The following TSHZ3 variants were observed in gnomAD, a reference collection of about 807,000 sequenced individuals.
The protein encoded by TSHZ3 is teashirt zinc finger homeobox 3.
A neutral mutation model predicts 64.5 loss-of-function variants in TSHZ3; 10 were observed. That is an observed-to-expected ratio of 0.16 (90% confidence interval 0.10 to 0.26). The LOEUF (loss-of-function observed/expected upper bound fraction) is 0.26. TSHZ3 is among the 10% of genes least tolerant of loss of function. The pLI is 1.00. For missense variants in TSHZ3, 1,242 were observed against 1,421.7 expected (o/e 0.87, Z 2.03); for synonymous variants, 608 against 593.1 (o/e 1.03, Z -0.36).
At position 31,241,553 on chromosome 19, in the gene TSHZ3, C is replaced by T. The variant is rs562349830; in HGVS notation, n.550+716G>A. ...GTAAGCACTAGGTAATCTCCATGCACGTGCAGTCTGGTTCTCAGCCATGGA... is the reference window on the plus strand; with the variant it reads ...GTAAGCACTAGGTAATCTCCATGCATGTGCAGTCTGGTTCTCAGCCATGGA... On this transcript the variant is annotated intron_variant and non_coding_transcript_variant, in intron 3 of 6. Coordinates refer to the TSHZ3 transcript ENST00000651361. Among the ~76,000 whole-genome samples the T allele has an allele frequency of 6.6e-5, 10 of 152,306 alleles. No homozygotes were observed. The South Asian group carries it at 1.9e-3, about 28-fold the overall frequency.
rs866532190 is a variant in TSHZ3, at chr19:31,212,024, G to A, written n.687-6946C>T. On this transcript the variant is annotated intron_variant and non_coding_transcript_variant, in intron 4 of 6. Transcript: ENST00000651361. ...AACAAACAAACAAACAAATCCTTGA[G>A]AGCACTTTTAAGCTTTTCTTTCTCT... Among the ~76,000 whole-genome samples the A allele has an allele frequency of 3.5e-4, 53 of 151,982 alleles. 1 individual carries two copies. The highest frequency in any genetic ancestry group is 8.8e-5 in the Non-Finnish European group (6 of 67,944).
chr19:31,292,002 G>A (rs1976574720), intron 1 of TSHZ3, among the ~76,000 whole-genome samples: 1 of 152,196 alleles, frequency 6.6e-6, no homozygotes, highest in African/African-American at 2.4e-5. Context: ...AGCTGCCTGT[G>A]GGTGCCGTAT....
chr19:31,316,333 T>C (rs1020732634), intron 1 of TSHZ3, among the ~76,000 whole-genome samples: 1 of 152,198 alleles, frequency 6.6e-6, no homozygotes, highest in African/African-American at 2.4e-5. Context: ...GGAATGCTTG[T>C]ATGCATGAAT....
chr19:31,307,092 A>G (rs1389762088), intron 1 of TSHZ3, among the ~76,000 whole-genome samples: 1 of 152,144 alleles, frequency 6.6e-6, no homozygotes, highest in East Asian at 1.9e-4. Flanking sequence ...CCTTGTAAAT[A>G]ACATCTCTAC....
At chr19:31,333,751 C>A (rs1917163755) in intron 1 of TSHZ3, among the ~76,000 whole-genome samples, 1 of 152,148 alleles carries the variant, frequency 6.6e-6, no homozygotes, top group African/African-American at 2.4e-5. Flanking sequence ...CCACCTGGAC[C>A]AGCCAGGCCC....
At chr19:31,171,503 T>C (rs1044120421) in intron 5 of TSHZ3, among the ~76,000 whole-genome samples, 2 of 151,872 alleles carry the variant, frequency 1.3e-5, no homozygotes, top group Non-Finnish European at 2.9e-5. Context: ...GTGGTGATAC[T>C]ATCTAGAAGC....
intron 1 of TSHZ3, among the ~76,000 whole-genome samples, chr19:31,301,653 T>C (rs1459496855): frequency 6.6e-6 from 1 of 152,122 alleles, no homozygotes; most frequent in African/African-American, 2.4e-5. Context: ...AGGCCTCCCA[T>C]GGCAGGTCAG....
intron 1 of TSHZ3, among the ~76,000 whole-genome samples, chr19:31,326,483 C>CGT (rs983715643): frequency 2.0e-5 from 3 of 152,220 alleles, no homozygotes; most frequent in African/African-American, 7.2e-5. Context: ...AAGCCTGGCG[C>CGT]GTGTGTGTGC....
At chr19:31,261,770 G>A (rs1480816262) in intron 1 of TSHZ3, among the ~76,000 whole-genome samples, 3 of 152,068 alleles carry the variant, frequency 2.0e-5, no homozygotes, top group African/African-American at 7.2e-5. Context: ...CTGTGTTCTT[G>A]TTCTATCACC....
intron 1 of TSHZ3, among the ~76,000 whole-genome samples, chr19:31,312,393 T>C (rs1025368443): frequency 6.6e-6 from 1 of 152,176 alleles, no homozygotes; most frequent in African/African-American, 2.4e-5. Flanking sequence ...AGATCCTCCA[T>C]TGCACTCATC....
At chr19:31,241,078 T>G (rs1296567861) in intron 3 of TSHZ3, among the ~76,000 whole-genome samples, 1 of 152,212 alleles carries the variant, frequency 6.6e-6, no homozygotes, top group African/African-American at 2.4e-5. Context: ...GCCTAAGTGA[T>G]ATTTGATTGA....
chr19:31,291,710 T>A (rs1327097056), intron 1 of TSHZ3, among the ~76,000 whole-genome samples: 1 of 152,236 alleles, frequency 6.6e-6, no homozygotes, highest in East Asian at 1.9e-4. Context: ...TTCAAGCACA[T>A]TTAAACTGAC....
chr19:31,350,163 G>C (rs1242785744), upstream of TSHZ3, among the ~76,000 whole-genome samples: 1 of 149,432 alleles, frequency 6.7e-6, no homozygotes, highest in Admixed American at 6.6e-5. Flanking sequence ...GCCGGGGCTG[G>C]CGTCCCCCGG....
At chr19:31,234,583 C>T (rs1341416828) in intron 3 of TSHZ3, among the ~76,000 whole-genome samples, 1 of 152,200 alleles carries the variant, frequency 6.6e-6, no homozygotes, top group African/African-American at 2.4e-5. Context: ...TGTTTTTCAT[C>T]ATGAACAAGT....
chr19:31,193,842 A>C (rs1004649354), intron 5 of TSHZ3, among the ~76,000 whole-genome samples: 2 of 152,222 alleles, frequency 1.3e-5, no homozygotes, highest in Admixed American at 1.3e-4. Flanking sequence ...TGCAATTTTA[A>C]GGTTAGCTTA....
At chr19:31,295,921 G>C (rs1426647258) in intron 1 of TSHZ3, among the ~76,000 whole-genome samples, 10 of 145,528 alleles carry the variant, frequency 6.9e-5, no homozygotes, top group Admixed American at 4.2e-4. Flanking sequence ...TTCAGCCCTT[G>C]CCCCTCGCTT....
chr19:31,201,243 A>G (rs1464571858), intron 5 of TSHZ3, among the ~76,000 whole-genome samples: 1 of 152,196 alleles, frequency 6.6e-6, no homozygotes, highest in East Asian at 1.9e-4. Flanking sequence ...CTCACCCTGT[A>G]CTATCGCCCA....
At chr19:31,193,766 GAAAGGAGAAC>G (rs1974946908) in intron 5 of TSHZ3, among the ~76,000 whole-genome samples, 4 of 152,098 alleles carry the variant, frequency 2.6e-5, no homozygotes, top group African/African-American at 9.7e-5. Context: ...ATTTTCTTTG[GAAAGGAGAAC>G]AAATACTGTT....
At chr19:31,233,461 A>G (rs530809284) in intron 3 of TSHZ3, among the ~76,000 whole-genome samples, 1 of 152,278 alleles carries the variant, frequency 6.6e-6, no homozygotes, top group Admixed American at 6.5e-5. Flanking sequence ...TTCAGTTGTA[A>G]GAGAACTTTG....
Sources: allele counts gnomAD v4.1 joint callset (sites outside exome capture counted in the v4.1 genomes callset), GRCh38; gene constraint gnomAD v4.1.1; transcripts MANE v1.5; gene names NCBI Gene and HGNC (gene_info 2026-07-23, HGNC 2026-07-21).